MAML3: variants seen among roughly 807,000 people sequenced by gnomAD.
MAML3 encodes the protein mastermind like transcriptional coactivator 3.
Under a neutral mutation model 101.9 loss-of-function variants are expected in MAML3, and 27 were observed. That is an observed-to-expected ratio of 0.27 (90% CI 0.20 to 0.37). The LOEUF is 0.37. Among genes scored for constraint, MAML3 ranks in the 10% least tolerant of loss-of-function variants. The pLI, the probability that MAML3 is intolerant of heterozygous loss-of-function variation, is 1.00. For synonymous variants in MAML3, 501 were observed against 555.9 expected (o/e 0.90, Z 1.39); for missense variants, 1,316 against 1,444.9 (o/e 0.91, Z 1.45).
intron 1 of MAML3, among the ~76,000 whole-genome samples, chr4:140,110,319 G>T (rs942330410): frequency 6.6e-6 from 1 of 152,248 alleles, no homozygotes; most frequent in South Asian, 2.1e-4. Context: ...ACTGCACAGT[G>T]CAACGGTTCA....
At chr4:139,827,561 C>T (rs984074803) in intron 2 of MAML3, among the ~76,000 whole-genome samples, 2 of 152,136 alleles carry the variant, frequency 1.3e-5, no homozygotes, top group Non-Finnish European at 2.9e-5. Context: ...ATAATTTGGT[C>T]AAGAAGAAAT....
chr4:139,975,907 TA>T (rs1372463447), intron 1 of MAML3, among the ~76,000 whole-genome samples: 1 of 152,130 alleles, frequency 6.6e-6, no homozygotes, highest in Non-Finnish European at 1.5e-5. Context: ...AAAGGAAATA[TA>T]TTCACCATGG....
intron 2 of MAML3, among the ~76,000 whole-genome samples, chr4:139,769,304 TAGA>T (rs1421464968): frequency 2.0e-5 from 3 of 152,112 alleles, no homozygotes; most frequent in Non-Finnish European, 4.4e-5. Flanking sequence ...CCAGAGGTAG[TAGA>T]AGAAGAGTCA....
At chr4:140,000,360 C>T (rs1245709980) in intron 1 of MAML3, among the ~76,000 whole-genome samples, 1 of 152,088 alleles carries the variant, frequency 6.6e-6, no homozygotes, top group Non-Finnish European at 1.5e-5. Context: ...ACAGCACTTC[C>T]TATGGCATGA....
intron 1 of MAML3, among the ~76,000 whole-genome samples, chr4:139,976,469 C>T (rs564153387): frequency 6.6e-6 from 1 of 152,250 alleles, no homozygotes; most frequent in East Asian, 1.9e-4. Flanking sequence ...AGGTTAATAT[C>T]TTATTCATAC....
chr4:139,860,390 TG>T (rs1344705523), intron 2 of MAML3, among the ~76,000 whole-genome samples: 1 of 152,216 alleles, frequency 6.6e-6, no homozygotes, highest in Admixed American at 6.5e-5. Context: ...CTGGAGCCCA[TG>T]GAAACAGGCA....
At chr4:139,960,879 T>A (rs1269257584) in intron 1 of MAML3, among the ~76,000 whole-genome samples, 1 of 151,954 alleles carries the variant, frequency 6.6e-6, no homozygotes, top group Non-Finnish European at 1.5e-5. Context: ...ATGAGGCAAA[T>A]GTTCTTTAGC....
At position 140,152,292 on chromosome 4, in the gene MAML3, G is replaced by A. The variant is rs536748698; in HGVS notation, c.468+568C>T. 3.0e-4 allele frequency among the ~76,000 whole-genome samples: 46 copies of A among 152,212 alleles called. 1 individual carries two copies. The highest frequency in any genetic ancestry group is 5.0e-4 in the Non-Finnish European group (34 of 68,030). On this transcript the variant is annotated intron_variant, in intron 1 of 4. Coordinates refer to ENST00000509479, the MANE Select transcript of MAML3 (RefSeq NM_018717.5). ...ACTCTCAGACTTTCTCAGCCCAAAG[G>A]GGGTGAGCTGGGGAGAGGAGGCGAG... is the stretch of plus-strand genomic sequence containing the variant.
intron 1 of MAML3, among the ~76,000 whole-genome samples, chr4:139,897,372 C>T (rs1053255358): frequency 7.2e-5 from 11 of 152,260 alleles, no homozygotes; most frequent in Middle Eastern, 3.4e-3. Flanking sequence ...AGGTCTGACT[C>T]CTCCATAAGC....
intron 2 of MAML3, among the ~76,000 whole-genome samples, chr4:139,755,163 G>C (rs997875164): frequency 6.6e-6 from 1 of 152,350 alleles, no homozygotes; most frequent in South Asian, 2.1e-4. Context: ...ATGAATGACA[G>C]CCGGTTTGCT....
chr4:140,119,316 A>T (rs1728565395), intron 1 of MAML3, among the ~76,000 whole-genome samples: 1 of 152,202 alleles, frequency 6.6e-6, no homozygotes. Context: ...CACTCACTTC[A>T]GGAGGCATGA....
At chr4:140,078,058 C>T (rs1233261020) in intron 1 of MAML3, among the ~76,000 whole-genome samples, 1 of 104,270 alleles carries the variant, frequency 9.6e-6, no homozygotes, top group African/African-American at 3.3e-5. Flanking sequence ...TAAATAAAGA[C>T]AGGTTTTTCT....
At chr4:139,777,056 C>G (rs900533187) in intron 2 of MAML3, among the ~76,000 whole-genome samples, 2 of 152,146 alleles carry the variant, frequency 1.3e-5, no homozygotes, top group Non-Finnish European at 2.9e-5. Context: ...GGACACTCAT[C>G]CACTCCTCTG....
intron 1 of MAML3, among the ~76,000 whole-genome samples, chr4:139,982,050 T>A (rs1734454292): frequency 6.6e-6 from 1 of 152,206 alleles, no homozygotes; most frequent in South Asian, 2.1e-4. Flanking sequence ...TATGTGCAGA[T>A]CTATTCAAAG....
chr4:139,900,130 T>C (rs78947893), intron 1 of MAML3, among the ~76,000 whole-genome samples: 2,792 of 152,284 alleles, frequency 0.018, 93 homozygotes, highest in African/African-American at 0.063. Flanking sequence ...GAAATGACCA[T>C]GATCTTTTTT....
chr4:139,774,703 TAGA>T (rs1207456518), intron 2 of MAML3, among the ~76,000 whole-genome samples: 10 of 152,318 alleles, frequency 6.6e-5, no homozygotes, highest in African/African-American at 2.4e-4. Flanking sequence ...TAAGAACTAA[TAGA>T]AGATTTATGA....
chr4:140,139,820 G>A (rs1399229522), intron 1 of MAML3, among the ~76,000 whole-genome samples: 12 of 152,164 alleles, frequency 7.9e-5, no homozygotes, highest in Admixed American at 7.9e-4. Context: ...CAAGACAGTT[G>A]TCTACCTTGC....
chr4:139,860,137 G>C (rs1476707138), intron 2 of MAML3, among the ~76,000 whole-genome samples: 1 of 152,262 alleles, frequency 6.6e-6, no homozygotes, highest in African/African-American at 2.4e-5. Flanking sequence ...CCCACAGCCT[G>C]AGTTCCTGAA....
intron 2 of MAML3, among the ~76,000 whole-genome samples, chr4:139,773,072 G>C (rs148000489): frequency 1.3e-5 from 2 of 152,098 alleles, no homozygotes. Flanking sequence ...CATATGCCCA[G>C]ATTTTTTTGG....
Sources: allele counts gnomAD v4.1 joint callset (sites outside exome capture counted in the v4.1 genomes callset), GRCh38; gene constraint gnomAD v4.1.1; transcripts MANE v1.5; gene names NCBI Gene and HGNC (gene_info 2026-07-23, HGNC 2026-07-21).